The following FGF14 variants were observed in gnomAD, a reference collection of about 807,000 sequenced individuals.
FGF14 encodes the protein fibroblast growth factor 14, also known as fibroblast growth factor homologous factor 4.
FGF14 carries 5 observed loss-of-function variants against 25.5 expected under a neutral mutation model. That is an observed-to-expected ratio of 0.20 (90% CI 0.10 to 0.41). The LOEUF is 0.41. Among genes scored for constraint, FGF14 ranks in the 10% least tolerant of loss-of-function variants. FGF14 has a pLI of 1.00. For synonymous variants in FGF14, 138 were observed against 118.3 expected (o/e 1.17, Z -1.08); for missense variants, 222 against 320.1 (o/e 0.69, Z 2.34).
At chr13:102,065,350 T>A (rs540244590) in intron 1 of FGF14, among the ~76,000 whole-genome samples, 1 of 152,084 alleles carries the variant, frequency 6.6e-6, no homozygotes, top group African/African-American at 2.4e-5. Context: ...CCAATACACT[T>A]GGCTCTTCCA....
intron 1 of FGF14, among the ~76,000 whole-genome samples, chr13:102,217,709 C>G (rs1432631923): frequency 6.6e-6 from 1 of 152,176 alleles, no homozygotes; most frequent in African/African-American, 2.4e-5. Context: ...TGTCAGAAGT[C>G]ACCCCTGTTT....
At chr13:102,343,971 G>A (rs751190952) in intron 1 of FGF14, among the ~76,000 whole-genome samples, 1 of 152,104 alleles carries the variant, frequency 6.6e-6, no homozygotes, top group Non-Finnish European at 1.5e-5. Flanking sequence ...TTCGTACTCT[G>A]TCACAGAAAG....
rs2035041250 is a variant in FGF14, at chr13:101,722,191, G to GAGAC, written c.*636_*639dup. On this transcript the variant is annotated 3_prime_UTR_variant, in exon 5 of 5. Transcript: ENST00000376143. Reference sequence around the variant, plus strand: ...TGTGTTTAATCGATAGTGTGAGCCAGAGACAACAATCTTTCTTAATCTTTC... The same window carrying GAGAC: ...TGTGTTTAATCGATAGTGTGAGCCAGAGACAGACAACAATCTTTCTTAATCTTTC... 1 of 168,364 alleles carries GAGAC rather than the reference G, an allele frequency of 5.9e-6. No individual in the cohort carries two copies. The highest frequency in any genetic ancestry group is 2.4e-5 in the African/African-American group (1 of 41,520). 10.4% of individuals were successfully genotyped at this position (168,364 alleles called of 1,614,324 possible).
Position 101,916,787 on chromosome 13 carries a change from AG to A in FGF14, c.-143del. ...GCCAGGCGGGACTGGGGAGAGGGGA[AG>A]GGGGGCTCAGTCCTGACCGGGACCC... On this transcript the variant is annotated 5_prime_UTR_variant, in exon 1 of 5. Coordinates refer to ENST00000376143, the MANE Select transcript of FGF14 (RefSeq NM_004115.4). 2 of 710,548 alleles carry A rather than the reference AG, an allele frequency of 2.8e-6. No homozygotes were observed. Among genetic ancestry groups the A allele is most frequent in the Non-Finnish European group, 4.5e-6 (2 of 446,396 alleles). 44.0% of individuals were successfully genotyped at this position (710,548 alleles called of 1,614,324 possible). A position where few individuals can be genotyped will look rare whatever the true frequency, so the allele number is the denominator to read the frequency against.
At chr13:102,012,734 C>A (rs1211606715) in intron 1 of FGF14, among the ~76,000 whole-genome samples, 2 of 152,122 alleles carry the variant, frequency 1.3e-5, no homozygotes, top group Non-Finnish European at 2.9e-5. Context: ...GGAACCCCTC[C>A]CGCACTGGGG....
At chr13:101,981,155 C>T (rs2038236189) in intron 1 of FGF14, among the ~76,000 whole-genome samples, 1 of 150,022 alleles carries the variant, frequency 6.7e-6, no homozygotes, top group Non-Finnish European at 1.5e-5. Flanking sequence ...TGGCATGCAC[C>T]TGTAATCCCA....
intron 1 of FGF14, among the ~76,000 whole-genome samples, chr13:102,142,623 T>C (rs1249349927): frequency 6.6e-6 from 1 of 152,156 alleles, no homozygotes; most frequent in Admixed American, 6.6e-5. Context: ...CTGAGATGCC[T>C]CTAAGGTAGA....
intron 1 of FGF14, among the ~76,000 whole-genome samples, chr13:102,112,457 T>C (rs1409509238): frequency 6.6e-6 from 1 of 152,216 alleles, no homozygotes; most frequent in Non-Finnish European, 1.5e-5. Context: ...CCGCAAGTTT[T>C]GTATTGATTT....
chr13:101,928,299 T>G (rs925001288), intron 1 of FGF14, among the ~76,000 whole-genome samples: 2 of 152,202 alleles, frequency 1.3e-5, no homozygotes, highest in African/African-American at 4.8e-5. Context: ...TTAGTACATA[T>G]TAACATAATC....
In FGF14 at chr13:101,916,516, G is replaced by A. The variant is rs202138570; in HGVS notation, c.130C>T (p.Leu44=). ...SKNRGLCNGN[L]VDIFSKVRIF... is the part of the protein sequence containing the mutation. Reference sequence around the variant, plus strand: ...CGCACTTTGGAGAAGATATCCACCAGGTTGCCGTTGCAGAGCCCGCGGTTC... The same window carrying A: ...CGCACTTTGGAGAAGATATCCACCAAGTTGCCGTTGCAGAGCCCGCGGTTC... The change falls in exon 1 of 5, where the codon CTG becomes TTG. Residue 44 remains leucine, a synonymous_variant. Coordinates refer to ENST00000376143, the MANE Select transcript of FGF14 (RefSeq NM_004115.4). 3.7e-6 allele frequency: 6 copies of A among 1,613,892 alleles called. No homozygotes were observed. In the East Asian group the frequency reaches 1.1e-4, roughly 30 times the overall value.
At chr13:101,826,038 A>T (rs1206019493) in intron 3 of FGF14, among the ~76,000 whole-genome samples, 1 of 152,172 alleles carries the variant, frequency 6.6e-6, no homozygotes, top group Admixed American at 6.5e-5. Flanking sequence ...ACCAAATTAT[A>T]ATTCAGTTTA....
intron 1 of FGF14, among the ~76,000 whole-genome samples, chr13:102,377,831 C>T (rs2058076942): frequency 6.6e-6 from 1 of 152,108 alleles, no homozygotes; most frequent in Non-Finnish European, 1.5e-5. Context: ...AAAATTCTAG[C>T]ACAGATAACT....
intron 1 of FGF14, among the ~76,000 whole-genome samples, chr13:102,374,642 TTTTATATATATATA>T (rs1484716387): frequency 4.5e-4 from 43 of 95,656 alleles, no homozygotes; most frequent in African/African-American, 1.5e-3. Context: ...ATCTTACATA[TTTTATATATATATA>T]TATATATATA....
chr13:102,400,770 T>C lies in FGF14; in HGVS notation c.208+701A>G, dbSNP rs995860959. 6.6e-6 allele frequency among the ~76,000 whole-genome samples: 1 copy of C among 152,106 alleles called. No individual in the cohort carries two copies. Among genetic ancestry groups the C allele is most frequent in the Non-Finnish European group, 1.5e-5 (1 of 68,000 alleles). On this transcript the variant is annotated intron_variant, in intron 1 of 4. Transcript: ENST00000376131. The surrounding 1 kb of genome is among the most constrained non-coding windows in gnomAD (Gnocchi z 4.3). ...CCCGACGCAGGGCTTTGACACCGCTTTCTAAAGGGGGGGACTTCAATTACA... is the reference window on the plus strand; with the variant it reads ...CCCGACGCAGGGCTTTGACACCGCTCTCTAAAGGGGGGGACTTCAATTACA...
intron 3 of FGF14, among the ~76,000 whole-genome samples, chr13:101,826,294 G>T (rs1392642453): frequency 6.6e-6 from 1 of 151,954 alleles, no homozygotes; most frequent in Non-Finnish European, 1.5e-5. Context: ...TAGCAATAAA[G>T]CTTTATCCTG....
intron 1 of FGF14, among the ~76,000 whole-genome samples, chr13:102,279,505 T>C (rs1272749121): frequency 1.3e-5 from 2 of 152,232 alleles, no homozygotes; most frequent in Non-Finnish European, 2.9e-5. Context: ...GTGATTGTTT[T>C]TAATATATTA....
At chr13:101,787,840 A>T (rs1421839977) in intron 3 of FGF14, among the ~76,000 whole-genome samples, 5 of 152,118 alleles carry the variant, frequency 3.3e-5, no homozygotes, top group Admixed American at 3.3e-4. Flanking sequence ...TAAACCACAC[A>T]GAAATGCCAG....
chr13:101,803,451 C>G (rs150793075), intron 3 of FGF14, among the ~76,000 whole-genome samples: 161 of 152,246 alleles, frequency 1.1e-3, no homozygotes, highest in African/African-American at 3.3e-3. Flanking sequence ...CTTAAACAAA[C>G]TGCAGAACTG....
In FGF14 at chr13:101,986,240, T is replaced by C. The variant is rs372208986; in HGVS notation, c.209-110944A>G. ...TCATAAGGATTTTCCATAACACCAG[T>C]AGCGCACAAGTTTTTCAATTTGGGT... is the stretch of plus-strand genomic sequence containing the variant. On this transcript the variant is annotated intron_variant, in intron 1 of 4. Coordinates refer to the FGF14 transcript ENST00000376131. Among the ~76,000 whole-genome samples the C allele has an allele frequency of 3.9e-5, 6 of 152,136 alleles. No homozygotes were observed. In the East Asian group the frequency reaches 9.6e-4, roughly 24 times the overall value.
Sources: gnomAD v4.1 joint callset for allele counts (sites outside exome capture counted in the v4.1 genomes callset) on GRCh38, gnomAD v4.1.1 for gene constraint, Gnocchi (gnomAD v3.1) non-coding constraint, MANE v1.5 for transcripts, NCBI Gene and HGNC (gene_info 2026-07-23, HGNC 2026-07-21) for gene names.